TSPEAR: variants seen among roughly 807,000 people sequenced by gnomAD.
TSPEAR encodes the protein thrombospondin-type laminin G domain and EAR repeat-containing protein.
Under a neutral mutation model 71.6 loss-of-function variants are expected in TSPEAR, and 69 were observed. The observed-to-expected ratio is 0.96, with a 90% CI of 0.79 to 1.18. The LOEUF (loss-of-function observed/expected upper bound fraction) is 1.18. TSPEAR is among the 50% of genes most tolerant of loss of function. The probability of loss-of-function intolerance (pLI) is 0.00; values close to 1 mark genes in which losing one functional copy is unlikely to be tolerated. For synonymous variants in TSPEAR, 402 were observed against 387.2 expected (o/e 1.04, Z -0.45); for missense variants, 971 against 894.9 (o/e 1.09, Z -1.09).
chr21:44,533,967 G>T, intron 2 of TSPEAR, 44 bp from the exon 3 acceptor site: 7 of 1,425,312 alleles, frequency 4.9e-6, no homozygotes, highest in Non-Finnish European at 6.8e-6. Context: ...GGGGGTAGGG[G>T]TCGGGTGCGG....
At chr21:44,682,577 G>T (rs1250826757) in intron 1 of TSPEAR, among the ~76,000 whole-genome samples, 1 of 152,232 alleles carries the variant, frequency 6.6e-6, no homozygotes, top group African/African-American at 2.4e-5. Context: ...GAACCTGCTG[G>T]AGTGAGTGAT....
chr21:44,551,234 G>T (rs1555918810), intron 2 of TSPEAR: 1 of 1,614,024 alleles, frequency 6.2e-7, no homozygotes. Context: ...ACGAGGGCGT[G>T]CAGGAGCTGG....
chr21:44,550,587 T>C lies in TSPEAR; in HGVS notation c.304-16664A>G, dbSNP rs587700070. On this transcript the variant is annotated intron_variant, in intron 2 of 11. Coordinates refer to ENST00000323084, the MANE Select transcript of TSPEAR (RefSeq NM_144991.3). ...GGGGCTGGGCGGCTGTGGCTGGGGC[T>C]GCTCCTTCTGTGCTGAGCTGTGCTG... is the stretch of plus-strand genomic sequence containing the variant. The C allele has an allele frequency of 3.3e-5, 49 of 1,505,120 alleles. No individual in the cohort carries two copies. In the Admixed American group the frequency reaches 6.9e-4, roughly 21 times the overall value. 93.2% of individuals were successfully genotyped at this position (1,505,120 alleles called of 1,614,324 possible).
intron 1 of TSPEAR, chr21:44,575,278 G>A (rs9979610): frequency 0.016 from 8,049 of 507,188 alleles, 526 homozygotes; most frequent in African/African-American, 0.14. Context: ...GCCTTGACCC[G>A]TGAGGTCTCT....
intron 1 of TSPEAR, among the ~76,000 whole-genome samples, chr21:44,644,054 C>G (rs1984168770): frequency 6.6e-6 from 1 of 152,238 alleles, no homozygotes; most frequent in Admixed American, 6.5e-5. Context: ...AGACTCACAT[C>G]CCCTCCCGGC....
At chr21:44,667,654 T>C (rs1985857840) in intron 1 of TSPEAR, among the ~76,000 whole-genome samples, 1 of 152,116 alleles carries the variant, frequency 6.6e-6, no homozygotes, top group Admixed American at 6.5e-5. Flanking sequence ...ATGTGTGAGC[T>C]GAATATAGAA....
At chr21:44,580,351 C>T (rs368543649) in intron 1 of TSPEAR, 643 of 1,613,700 alleles carry the variant, frequency 4.0e-4, no homozygotes, top group Non-Finnish European at 5.1e-4. Context: ...CGCAGCAAGC[C>T]GGCTGGCAGC....
At chr21:44,672,860 T>C (rs1555946265) in intron 1 of TSPEAR, among the ~76,000 whole-genome samples, 2 of 152,156 alleles carry the variant, frequency 1.3e-5, no homozygotes, top group African/African-American at 4.8e-5. Flanking sequence ...TTTTCTCTCT[T>C]CCTCCTGCTC....
rs62220887 is a variant in TSPEAR at position 44,592,279 on chromosome 21, G to T, written c.83-24274C>A. On this transcript the variant is annotated intron_variant, in intron 1 of 11. Transcript: ENST00000323084. The stretch of plus-strand genomic sequence containing the variant: ...GCAGGGGCTGGGCTCACAGGTCACT[G>T]GGCAGCAGGGGCTGGACACACGGCT... 4,041 of 1,540,428 alleles carry T rather than the reference G, an allele frequency of 2.6e-3. 45 individuals are homozygous for T. In the African/African-American group the frequency reaches 0.04, roughly 15 times the overall value.
intron 1 of TSPEAR, among the ~76,000 whole-genome samples, chr21:44,584,299 G>A (rs1369739137): frequency 2.0e-5 from 3 of 152,100 alleles, no homozygotes; most frequent in Non-Finnish European, 2.9e-5. Context: ...GTATTCCATC[G>A]TGTGTATACA....
At chr21:44,542,755 AAAAGAAAAAG>A (rs1178180584) in intron 2 of TSPEAR, among the ~76,000 whole-genome samples, 5 of 150,126 alleles carry the variant, frequency 3.3e-5, no homozygotes, top group African/African-American at 1.2e-4. Flanking sequence ...AAAAAAAAAA[AAAAGAAAAAG>A]AAAAGAAAAA....
chr21:44,557,887 G>T (rs2053559617), intron 2 of TSPEAR: 3 of 820,650 alleles, frequency 3.7e-6, no homozygotes, highest in Non-Finnish European at 5.7e-6. Context: ...TGAGGGTGTG[G>T]GAGAGATGCA....
intron 1 of TSPEAR, chr21:44,602,318 G>A (rs929307372): frequency 1.9e-5 from 3 of 159,828 alleles, no homozygotes; most frequent in East Asian, 1.9e-4. Context: ...CTCACCACAC[G>A]GATGTCCGAG....
chr21:44,678,004 C>T (rs868908243), intron 1 of TSPEAR: 13 of 970,676 alleles, frequency 1.3e-5, no homozygotes, highest in Non-Finnish European at 2.0e-5. Flanking sequence ...GCGGCATGGT[C>T]ACAGTGGACG....
chr21:44,592,954 G>T, intron 1 of TSPEAR, among the ~76,000 whole-genome samples: 1 of 152,180 alleles, frequency 6.6e-6, no homozygotes, highest in Non-Finnish European at 1.5e-5. Flanking sequence ...AGCCTTCATT[G>T]ACCTGCCCTG....
intron 1 of TSPEAR, among the ~76,000 whole-genome samples, chr21:44,605,699 G>C (rs887723402): frequency 1.1e-4 from 17 of 152,174 alleles, no homozygotes; most frequent in African/African-American, 4.1e-4. Flanking sequence ...CAAATGATGG[G>C]AAAAGGACAG....
chr21:44,558,225 G>C (rs782762881), intron 2 of TSPEAR: 2 of 1,613,206 alleles, frequency 1.2e-6, no homozygotes, highest in East Asian at 2.2e-5. Context: ...CCTGCACACG[G>C]GGCGGCAGAG....
intron 1 of TSPEAR, among the ~76,000 whole-genome samples, chr21:44,570,314 C>T (rs2053774605): frequency 6.6e-6 from 1 of 152,246 alleles, no homozygotes; most frequent in South Asian, 2.1e-4. Context: ...GACCCCACGC[C>T]TGCAGTGTTG....
chr21:44,576,522 A>G (rs1279788360), intron 1 of TSPEAR, among the ~76,000 whole-genome samples: 4 of 149,774 alleles, frequency 2.7e-5, no homozygotes, highest in African/African-American at 9.7e-5. Flanking sequence ...TGAGGGGGCA[A>G]ACCTCATGGG....
Sources: allele counts gnomAD v4.1 joint callset (sites outside exome capture counted in the v4.1 genomes callset), GRCh38; gene constraint gnomAD v4.1.1; transcripts MANE v1.5; gene names NCBI Gene and HGNC (gene_info 2026-07-23, HGNC 2026-07-21).